SLC44A1: variants seen among roughly 807,000 people sequenced by gnomAD.
SLC44A1 encodes the protein choline transporter-like protein 1.
Under a neutral mutation model 79.3 loss-of-function variants are expected in SLC44A1, and 26 were observed. The observed-to-expected ratio is 0.33, with a 90% CI of 0.24 to 0.46. SLC44A1 has a LOEUF of 0.46. Among genes scored for constraint, SLC44A1 ranks in the 20% least tolerant of loss-of-function variants. The pLI, the probability that SLC44A1 is intolerant of heterozygous loss-of-function variation, is 1.00. For synonymous variants in SLC44A1, 263 were observed against 286.2 expected, an observed-to-expected ratio of 0.92 and a Z score of 0.82; for missense variants, 688 against 798.1, an observed-to-expected ratio of 0.86 and a Z score of 1.66.
In SLC44A1 at chr9:105,361,216, G is replaced by A. The variant is rs777849789; in HGVS notation, c.786G>A (p.Leu262=). 38 of 1,613,992 alleles carry A rather than the reference G, an allele frequency of 2.4e-5. No homozygotes were observed. The highest frequency in any genetic ancestry group is 3.2e-5 in the Non-Finnish European group (38 of 1,179,962). Reference sequence around the variant, plus strand: ...GAGGCACAGGTGTACTATGGTGGCTGTATGCAAAGCAAAGAAGGTCTCCCA... The same window carrying A: ...GAGGCACAGGTGTACTATGGTGGCTATATGCAAAGCAAAGAAGGTCTCCCA... ...SLGGTGVLWW[L]YAKQRRSPKE... Residue 262 remains leucine, a synonymous_variant, in exon 8 of 16, where the codon CTG becomes CTA. Coordinates refer to ENST00000374720, the MANE Select transcript of SLC44A1 (RefSeq NM_080546.5).
intron 8 of SLC44A1, among the ~76,000 whole-genome samples, chr9:105,362,285 G>A (rs1827806168): frequency 6.6e-6 from 1 of 152,148 alleles, no homozygotes; most frequent in South Asian, 2.1e-4. Context: ...AACCATTGGT[G>A]CCAAAAGATA....
intron 1 of SLC44A1, among the ~76,000 whole-genome samples, chr9:105,271,504 A>G (rs551595220): frequency 4.6e-5 from 7 of 152,374 alleles, no homozygotes; most frequent in African/African-American, 1.7e-4. Flanking sequence ...GGTACGAGCA[A>G]ACACATAGAA....
intron 15 of SLC44A1, among the ~76,000 whole-genome samples, chr9:105,403,941 G>GA (rs1440717407): frequency 1.3e-5 from 2 of 151,864 alleles, no homozygotes; most frequent in Non-Finnish European, 2.9e-5. Flanking sequence ...AGGACTTGCT[G>GA]AAAGATTTTA....
At chr9:105,307,299 A>G (rs1406733425) in intron 2 of SLC44A1, among the ~76,000 whole-genome samples, 2 of 152,228 alleles carry the variant, frequency 1.3e-5, no homozygotes, top group Non-Finnish European at 2.9e-5. Context: ...TCCAGGTCTT[A>G]CTGAATACGA....
In SLC44A1 at chr9:105,406,716, C is replaced by T. The variant is rs185309739; in HGVS notation, c.1950+21214C>T. Among the ~76,000 whole-genome samples, 16 of 152,056 alleles carry T rather than the reference C, an allele frequency of 1.1e-4. No individual in the cohort carries two copies. The East Asian group carries it at 1.5e-3, about 15-fold the overall frequency. On this transcript the variant is annotated intron_variant, in intron 15 of 15. Coordinates refer to the SLC44A1 transcript ENST00000374724. ...GAGATTGAGCCACTGCACTCCAGCC[C>T]GGGTGACAGAGCAAGACTTCATCTC...
chr9:105,265,660 G>C (rs889933899), intron 1 of SLC44A1, among the ~76,000 whole-genome samples: 2 of 152,188 alleles, frequency 1.3e-5, no homozygotes, highest in African/African-American at 4.8e-5. Context: ...GGGTTGTATG[G>C]TAAGTGAATG....
intron 1 of SLC44A1, among the ~76,000 whole-genome samples, chr9:105,272,695 T>C (rs1830105077): frequency 6.6e-6 from 1 of 152,176 alleles, no homozygotes; most frequent in Non-Finnish European, 1.5e-5. Flanking sequence ...ATTATTTTCT[T>C]TCCTCTATTT....
chr9:105,371,613 G>T (rs1326405110), intron 12 of SLC44A1, among the ~76,000 whole-genome samples: 2 of 151,624 alleles, frequency 1.3e-5, no homozygotes, highest in Non-Finnish European at 2.9e-5. Context: ...CAGCTACTCG[G>T]GAGGCTGAGG....
At chr9:105,368,467 G>A (rs1588839828) in intron 12 of SLC44A1, among the ~76,000 whole-genome samples, 1 of 152,096 alleles carries the variant, frequency 6.6e-6, no homozygotes, top group African/African-American at 2.4e-5. Context: ...TGTAAGGCTA[G>A]CATTATTTTC....
intron 1 of SLC44A1, among the ~76,000 whole-genome samples, chr9:105,249,892 AGGGTCTT>A (rs930704271): frequency 3.1e-5 from 4 of 129,924 alleles, no homozygotes; most frequent in Non-Finnish European, 4.7e-5. Flanking sequence ...TTTGTGAAGT[AGGGTCTT>A]GCTTTGTCAC....
chr9:105,409,240 GA>G (rs1261001689), intron 15 of SLC44A1, among the ~76,000 whole-genome samples: 2 of 152,068 alleles, frequency 1.3e-5, no homozygotes, highest in Non-Finnish European at 2.9e-5. Context: ...TGAAAAGATG[GA>G]AAAAGATATT....
intron 15 of SLC44A1, among the ~76,000 whole-genome samples, chr9:105,424,757 G>C (rs1217231241): frequency 6.6e-6 from 1 of 151,998 alleles, no homozygotes; most frequent in Non-Finnish European, 1.5e-5. Flanking sequence ...GACCAGCCTG[G>C]CCAACAAGGT....
chr9:105,355,468 T>A (rs1198584464), intron 5 of SLC44A1, among the ~76,000 whole-genome samples: 3 of 152,220 alleles, frequency 2.0e-5, no homozygotes, highest in Non-Finnish European at 4.4e-5. Context: ...TCCTAACAAG[T>A]CCAGTATTTT....
chr9:105,361,870 T>C (rs1286279352), intron 8 of SLC44A1, among the ~76,000 whole-genome samples: 1 of 152,120 alleles, frequency 6.6e-6, no homozygotes, highest in Non-Finnish European at 1.5e-5. Context: ...CTGGGCAAGA[T>C]AGTGAGACCC....
chr9:105,285,610 GT>G (rs970476031), intron 1 of SLC44A1, among the ~76,000 whole-genome samples: 25 of 152,328 alleles, frequency 1.6e-4, no homozygotes, highest in Admixed American at 5.9e-4. Flanking sequence ...GTTCTTATAG[GT>G]TTTGGGATAG....
Position 105,248,994 on chromosome 9 carries a change from C to T in SLC44A1, c.36+4090C>T, listed in dbSNP as rs1450305229. Among the ~76,000 whole-genome samples, 4 of 152,148 alleles carry T rather than the reference C, an allele frequency of 2.6e-5. No individual in the cohort carries two copies. The South Asian group carries it at 6.2e-4, about 24-fold the overall frequency. On this transcript the variant is annotated intron_variant, in intron 1 of 15. Coordinates refer to ENST00000374720, the MANE Select transcript of SLC44A1 (RefSeq NM_080546.5). ...TGCAAGTTCTGTGAAGTTCTGTGTCCTTCAGTTCTAACCTTAAATGTTGTA... is the reference window on the plus strand; with the variant it reads ...TGCAAGTTCTGTGAAGTTCTGTGTCTTTCAGTTCTAACCTTAAATGTTGTA...
chr9:105,277,146 A>G (rs1265764955), intron 1 of SLC44A1, among the ~76,000 whole-genome samples: 3 of 152,240 alleles, frequency 2.0e-5, no homozygotes, highest in African/African-American at 4.8e-5. Context: ...GCTGTGAGAA[A>G]GTGGCAATAA....
At chr9:105,249,420 T>C (rs762928345) in intron 1 of SLC44A1, among the ~76,000 whole-genome samples, 49 of 152,318 alleles carry the variant, frequency 3.2e-4, no homozygotes, top group Admixed American at 1.0e-3. Context: ...AAGCCTTTTT[T>C]TTCCTTCATC....
At chr9:105,286,080 G>A (rs1407305959) in intron 1 of SLC44A1, among the ~76,000 whole-genome samples, 5 of 152,150 alleles carry the variant, frequency 3.3e-5, no homozygotes, top group South Asian at 2.1e-4. Flanking sequence ...CAGCCTGGGC[G>A]ACAGAGTGAG....
Sources: gnomAD v4.1 joint callset for allele counts (sites outside exome capture counted in the v4.1 genomes callset) on GRCh38, gnomAD v4.1.1 for gene constraint, MANE v1.5 for transcripts, NCBI Gene and HGNC (gene_info 2026-07-23, HGNC 2026-07-21) for gene names.